Variants in VKORC1L1 observed in about 807,000 individuals in gnomAD.
The protein encoded by VKORC1L1 is vitamin K epoxide reductase complex subunit 1-like protein 1.
In VKORC1L1, 2 loss-of-function variants were observed where a neutral mutation model predicts 18.9. The ratio of observed to expected loss-of-function variants is 0.11; its 90% CI spans 0.04 to 0.33. The LOEUF is 0.33. Ranked by LOEUF, VKORC1L1 falls within the 10% of genes least tolerant of loss-of-function variation. The pLI is 1.00. For synonymous variants in VKORC1L1, 96 were observed against 100.0 expected (o/e 0.96, Z 0.24); for missense variants, 123 against 224.1 (o/e 0.55, Z 2.88).
chr7:65,919,030 G>A (rs1789632532), intron 1 of VKORC1L1, among the ~76,000 whole-genome samples: 1 of 152,154 alleles, frequency 6.6e-6, no homozygotes, highest in African/African-American at 2.4e-5. Context: ...AGGAGATGAA[G>A]GTTGCAGTGA....
At chr7:65,927,552 T>G (rs1789786481) in intron 1 of VKORC1L1, among the ~76,000 whole-genome samples, 2 of 152,170 alleles carry the variant, frequency 1.3e-5, no homozygotes, top group South Asian at 4.1e-4. Flanking sequence ...ATGGCAGCCT[T>G]GCAAGATAAG....
At chr7:65,895,516 T>TATATACACACAC (rs370356956) in intron 1 of VKORC1L1, among the ~76,000 whole-genome samples, 42 of 71,568 alleles carry the variant, frequency 5.9e-4, no homozygotes, top group East Asian at 2.2e-3. Context: ...TATATATATA[T>TATATACACACAC]ACACACACAC....
intron 1 of VKORC1L1, among the ~76,000 whole-genome samples, chr7:65,914,771 G>A (rs893238903): frequency 6.6e-6 from 1 of 152,114 alleles, no homozygotes; most frequent in African/African-American, 2.4e-5. Flanking sequence ...AGGTTGAAGC[G>A]GGAGGATAGC....
At chr7:65,938,081 G>A (rs1420988924) in intron 1 of VKORC1L1, among the ~76,000 whole-genome samples, 2 of 152,072 alleles carry the variant, frequency 1.3e-5, no homozygotes, top group East Asian at 3.9e-4. Flanking sequence ...GGTGGTGGGT[G>A]CTGGTAATCC....
At chr7:65,935,984 T>A (rs79890888) in intron 1 of VKORC1L1, among the ~76,000 whole-genome samples, 68 of 152,094 alleles carry the variant, frequency 4.5e-4, no homozygotes, top group Admixed American at 1.2e-3. Context: ...CTTTTTTTTT[T>A]AACATGTTTT....
chr7:65,882,694 G>T (rs1788947999), intron 1 of VKORC1L1, among the ~76,000 whole-genome samples: 1 of 152,094 alleles, frequency 6.6e-6, no homozygotes, highest in South Asian at 2.1e-4. Flanking sequence ...GCTAGTGCTT[G>T]TTTGTTCATG....
Position 65,927,371 on chromosome 7 carries a change from A to G in VKORC1L1, c.195-21300A>G, listed in dbSNP as rs573217865. ...GTACTAAAATCCCAGAATTCACTAT[A>G]TGTAGGATGGATATGGATTCACTAT... On this transcript the variant is annotated intron_variant, in intron 1 of 2. Coordinates refer to ENST00000360768, the MANE Select transcript of VKORC1L1 (RefSeq NM_173517.6). Among the ~76,000 whole-genome samples the G allele has an allele frequency of 2.6e-5, 4 of 152,266 alleles. No individual in the cohort carries two copies. In the South Asian group the frequency reaches 6.2e-4, roughly 24 times the overall value.
intron 1 of VKORC1L1, among the ~76,000 whole-genome samples, chr7:65,941,099 A>G (rs997944184): frequency 1.3e-5 from 2 of 152,106 alleles, no homozygotes; most frequent in African/African-American, 4.8e-5. Context: ...AGGGGCTAGC[A>G]AAGTTCTATT....
At chr7:65,904,038 TAGTG>T (rs1179260552) in intron 1 of VKORC1L1, among the ~76,000 whole-genome samples, 1 of 152,202 alleles carries the variant, frequency 6.6e-6, no homozygotes, top group Non-Finnish European at 1.5e-5. Context: ...GTTCTGCAGT[TAGTG>T]GTGATGGTTG....
At chr7:65,878,187 T>C (rs1788862554) in intron 1 of VKORC1L1, among the ~76,000 whole-genome samples, 1 of 152,188 alleles carries the variant, frequency 6.6e-6, no homozygotes, top group Non-Finnish European at 1.5e-5. Context: ...GGTTCACGCC[T>C]GTAATCCCAG....
intron 1 of VKORC1L1, among the ~76,000 whole-genome samples, chr7:65,946,944 T>C (rs1306215461): frequency 6.6e-6 from 1 of 151,792 alleles, no homozygotes; most frequent in Non-Finnish European, 1.5e-5. Flanking sequence ...AGACCAGCCT[T>C]GGCACATGGC....
In VKORC1L1 at chr7:65,898,142, A is replaced by G. The variant is rs370341405; in HGVS notation, c.194+24577A>G. Among the ~76,000 whole-genome samples the G allele has an allele frequency of 4.0e-4, 49 of 122,156 alleles. No homozygotes were observed. The East Asian group carries it at 8.2e-3, about 20-fold the overall frequency. 80.1% of individuals were successfully genotyped at this position (122,156 alleles called of 152,430 possible). A position where few individuals can be genotyped will look rare whatever the true frequency, so the allele number is the denominator to read the frequency against. ...CTCACTTTGTCACCCAGGCTGGAGT[A>G]TAGTGGCACGATCTCGGCTCACTGC... On this transcript the variant is annotated intron_variant, in intron 1 of 2. Coordinates refer to ENST00000360768, the MANE Select transcript of VKORC1L1 (RefSeq NM_173517.6).
chr7:65,914,463 A>G (rs1789554165), intron 1 of VKORC1L1, among the ~76,000 whole-genome samples: 1 of 151,994 alleles, frequency 6.6e-6, no homozygotes, highest in Non-Finnish European at 1.5e-5. Flanking sequence ...CTGTAAATAA[A>G]TTGTCCTGCA....
intron 1 of VKORC1L1, among the ~76,000 whole-genome samples, chr7:65,926,336 A>G (rs1002409238): frequency 2.0e-5 from 3 of 152,022 alleles, no homozygotes; most frequent in Non-Finnish European, 4.4e-5. Flanking sequence ...TTGTAGTTTT[A>G]GTAGAGACGG....
At chr7:65,952,795 T>TTC in intron 2 of VKORC1L1, among the ~76,000 whole-genome samples, 1 of 140,912 alleles carries the variant, frequency 7.1e-6, no homozygotes, top group Non-Finnish European at 1.5e-5. Flanking sequence ...TTTTTTTTTT[T>TTC]TTTTTTTGAG....
chr7:65,867,313 TATTG>T, the VKORC1L1 span, among the ~76,000 whole-genome samples: 4 of 151,964 alleles, frequency 2.6e-5, no homozygotes, highest in East Asian at 3.9e-4. Context: ...ATGGGGAAAA[TATTG>T]ATTAAGGCAG....
intron 1 of VKORC1L1, among the ~76,000 whole-genome samples, chr7:65,911,564 G>A (rs1789503339): frequency 6.6e-6 from 1 of 152,132 alleles, no homozygotes; most frequent in African/African-American, 2.4e-5. Flanking sequence ...TCATGGCATT[G>A]TTGAATGTGT....
intron 1 of VKORC1L1, among the ~76,000 whole-genome samples, chr7:65,940,071 C>G (rs930682690): frequency 6.6e-6 from 1 of 151,824 alleles, no homozygotes; most frequent in African/African-American, 2.4e-5. Flanking sequence ...GTCACCCAGG[C>G]CGGAATGGAG....
intron 1 of VKORC1L1, among the ~76,000 whole-genome samples, chr7:65,900,381 C>T (rs375635187): frequency 2.7e-5 from 4 of 148,580 alleles, no homozygotes; most frequent in South Asian, 4.2e-4. Flanking sequence ...GGTGACAGAG[C>T]GAGGCTCTAT....
Sources: allele counts gnomAD v4.1 joint callset (sites outside exome capture counted in the v4.1 genomes callset), GRCh38; gene constraint gnomAD v4.1.1; transcripts MANE v1.5; gene names NCBI Gene and HGNC (gene_info 2026-07-23, HGNC 2026-07-21).